The following CNTNAP2 variants were observed in gnomAD, a reference collection of about 807,000 sequenced individuals.
CNTNAP2 encodes the protein contactin-associated protein-like 2.
In CNTNAP2, 98 loss-of-function variants were observed where a neutral mutation model predicts 155.2. The ratio of observed to expected loss-of-function variants is 0.63; its 90% CI spans 0.54 to 0.75. CNTNAP2 has a LOEUF of 0.75. Ranked by LOEUF, CNTNAP2 falls within the 30% of genes least tolerant of loss-of-function variation. The probability of loss-of-function intolerance (pLI) is 0.00; values close to 1 mark genes in which losing one functional copy is unlikely to be tolerated. For missense variants in CNTNAP2, 1,727 were observed against 1,688.1 expected (o/e 1.02, Z -0.40); for synonymous variants, 651 against 631.2 (o/e 1.03, Z -0.47).
chr7:146,758,447 G>C (rs533640548), intron 1 of CNTNAP2, among the ~76,000 whole-genome samples: 3 of 152,042 alleles, frequency 2.0e-5, no homozygotes, highest in African/African-American at 7.2e-5. Context: ...TCTGTTTGCC[G>C]CTGTATTGGT....
chr7:146,518,721 A>G (rs770085498), intron 1 of CNTNAP2, among the ~76,000 whole-genome samples: 3 of 151,928 alleles, frequency 2.0e-5, no homozygotes, highest in Non-Finnish European at 2.9e-5. Flanking sequence ...TGCAACTCAA[A>G]TGGAATGAAT....
intron 13 of CNTNAP2, among the ~76,000 whole-genome samples, chr7:147,754,728 T>C (rs916354979): frequency 2.6e-5 from 4 of 152,146 alleles, no homozygotes; most frequent in Non-Finnish European, 4.4e-5. Flanking sequence ...TTGAAGAATT[T>C]GAGTAAATAA....
chr7:147,904,488 T>C lies in CNTNAP2; in HGVS notation c.2255+767T>C, dbSNP rs143265464. Among the ~76,000 whole-genome samples, 174 of 152,316 alleles carry C rather than the reference T, an allele frequency of 1.1e-3. 3 individuals are homozygous for C. The East Asian group carries it at 0.031, about 27-fold the overall frequency. The stretch of plus-strand genomic sequence containing the variant: ...CATATCCAGTGCCGGCTTTCTACAT[T>C]TTTAGAAGTGTTGAGAGGCTCCATT... On this transcript the variant is annotated intron_variant, in intron 14 of 23. Coordinates refer to ENST00000361727, the MANE Select transcript of CNTNAP2 (RefSeq NM_014141.6).
At chr7:147,319,040 T>C (rs926803258) in intron 9 of CNTNAP2, among the ~76,000 whole-genome samples, 11 of 152,206 alleles carry the variant, frequency 7.2e-5, no homozygotes, top group Non-Finnish European at 1.6e-4. Flanking sequence ...ATAGCACTTG[T>C]GTTTAAATGT....
chr7:146,708,104 A>C (rs66845989), intron 1 of CNTNAP2, among the ~76,000 whole-genome samples: 1 of 152,046 alleles, frequency 6.6e-6, no homozygotes, highest in African/African-American at 2.4e-5. Flanking sequence ...TCTATAAAAA[A>C]TACCAAAGAA....
intron 18 of CNTNAP2, among the ~76,000 whole-genome samples, chr7:148,206,857 T>G (rs1390509987): frequency 1.3e-5 from 2 of 152,226 alleles, no homozygotes; most frequent in Non-Finnish European, 2.9e-5. Context: ...TCTTCAGTAC[T>G]GTAGATTCCT....
chr7:147,552,884 A>G (rs907434754), intron 11 of CNTNAP2, among the ~76,000 whole-genome samples: 4 of 152,208 alleles, frequency 2.6e-5, no homozygotes, highest in Admixed American at 2.6e-4. Context: ...GCAGTGACAG[A>G]GCCCTTGAAG....
chr7:146,140,903 C>G (rs2116756549), intron 1 of CNTNAP2, among the ~76,000 whole-genome samples: 1 of 152,246 alleles, frequency 6.6e-6, no homozygotes, highest in African/African-American at 2.4e-5. Context: ...ATCGGAACCA[C>G]TAGAACATCT....
intron 4 of CNTNAP2, among the ~76,000 whole-genome samples, chr7:147,061,423 C>T (rs1799668004): frequency 6.6e-6 from 1 of 152,104 alleles, no homozygotes; most frequent in Admixed American, 6.5e-5. Flanking sequence ...GTTCTCATCC[C>T]TTTATTTATC....
chr7:148,188,565 G>T (rs570981658), intron 18 of CNTNAP2, among the ~76,000 whole-genome samples: 18 of 152,278 alleles, frequency 1.2e-4, no homozygotes, highest in Non-Finnish European at 2.1e-4. Flanking sequence ...CAAAAAGAGA[G>T]GAAACTGTCT....
intron 13 of CNTNAP2, among the ~76,000 whole-genome samples, chr7:147,815,208 A>C (rs1348905119): frequency 6.6e-6 from 1 of 152,198 alleles, no homozygotes; most frequent in African/African-American, 2.4e-5. Flanking sequence ...AAGCTTAGTG[A>C]CTTAACCCAA....
At chr7:146,136,781 G>A (rs73736898) in intron 1 of CNTNAP2, among the ~76,000 whole-genome samples, 2,929 of 152,174 alleles carry the variant, frequency 0.019, 119 homozygotes, top group African/African-American at 0.067. Flanking sequence ...GCTCTAAGCC[G>A]GCCCTCTCAT....
intron 12 of CNTNAP2, among the ~76,000 whole-genome samples, chr7:147,605,196 C>G (rs941989785): frequency 1.3e-4 from 20 of 152,036 alleles, no homozygotes; most frequent in African/African-American, 4.8e-4. Context: ...GATCATTGTC[C>G]ATTTCTTTTT....
At position 146,907,056 on chromosome 7, in the gene CNTNAP2, T is replaced by C. The variant is rs1796148446; in HGVS notation, c.402+67152T>C. Among the ~76,000 whole-genome samples, 10 of 150,530 alleles carry C rather than the reference T, an allele frequency of 6.6e-5. No individual in the cohort carries two copies. The South Asian group carries it at 1.9e-3, about 29-fold the overall frequency. ...CAACCGGAAGAAAGGGTATCAGCGA[T>C]GGAAGATGAAATGAATGAAATGAAG... is the stretch of plus-strand genomic sequence containing the variant. On this transcript the variant is annotated intron_variant, in intron 3 of 23. Coordinates refer to ENST00000361727, the MANE Select transcript of CNTNAP2 (RefSeq NM_014141.6).
intron 1 of CNTNAP2, among the ~76,000 whole-genome samples, chr7:146,325,826 G>C (rs1239933408): frequency 2.0e-5 from 3 of 152,080 alleles, no homozygotes; most frequent in African/African-American, 2.4e-5. Context: ...TGTGCACATA[G>C]TTTGGGTAAT....
rs189054826 is a variant in CNTNAP2 at position 148,388,198 on chromosome 7, G to T, written c.3715+4310G>T. On this transcript the variant is annotated intron_variant, in intron 22 of 23. Coordinates refer to ENST00000361727, the MANE Select transcript of CNTNAP2 (RefSeq NM_014141.6). ...TAGGGTACATGTGCACATTGTGCAG[G>T]TTAGTTACATATGTATACATGTGCC... Among the ~76,000 whole-genome samples, 53 of 152,098 alleles carry T rather than the reference G, an allele frequency of 3.5e-4. 1 individual carries two copies. The South Asian group carries it at 5.8e-3, about 17-fold the overall frequency.
intron 13 of CNTNAP2, among the ~76,000 whole-genome samples, chr7:147,893,902 C>G (rs1461205794): frequency 1.3e-5 from 2 of 152,094 alleles, no homozygotes; most frequent in African/African-American, 4.8e-5. Flanking sequence ...ATTTCCAGTC[C>G]CTGGGGGAGG....
chr7:147,139,022 T>C (rs1801546106), intron 8 of CNTNAP2, among the ~76,000 whole-genome samples: 2 of 151,800 alleles, frequency 1.3e-5, no homozygotes, highest in Non-Finnish European at 2.9e-5. Flanking sequence ...TAAAAATGAA[T>C]TATGAAAGAA....
At chr7:147,887,924 A>C (rs1799627591) in intron 13 of CNTNAP2, among the ~76,000 whole-genome samples, 1 of 152,222 alleles carries the variant, frequency 6.6e-6, no homozygotes, top group South Asian at 2.1e-4. Flanking sequence ...CAGCATTTGA[A>C]TGGTTGGAGA....
Sources: allele counts gnomAD v4.1 joint callset (sites outside exome capture counted in the v4.1 genomes callset), GRCh38; gene constraint gnomAD v4.1.1; transcripts MANE v1.5; gene names NCBI Gene and HGNC (gene_info 2026-07-23, HGNC 2026-07-21).